Variants in WNK1 observed in about 807,000 individuals in gnomAD.
The protein encoded by WNK1 is serine/threonine-protein kinase WNK1.
In WNK1, 38 loss-of-function variants were observed where a neutral mutation model predicts 222.8. That is an observed-to-expected ratio of 0.17 (90% CI 0.13 to 0.22). WNK1 has a LOEUF of 0.22. Ranked by LOEUF, WNK1 falls within the 10% of genes least tolerant of loss-of-function variation. WNK1 has a pLI of 1.00. For missense variants in WNK1, 2,348 were observed against 2,918.4 expected (o/e 0.80, Z 4.50); for synonymous variants, 1,090 against 1,092.9 (o/e 1.00, Z 0.05).
intron 22 of WNK1, among the ~76,000 whole-genome samples, chr12:891,095 A>G (rs769285856): frequency 6.6e-6 from 1 of 152,208 alleles, no homozygotes; most frequent in Non-Finnish European, 1.5e-5. Flanking sequence ...TAAAAAGAGA[A>G]TGTAGAATAT....
chr12:868,776 C>G (rs555036202), intron 8 of WNK1: 1 of 1,614,044 alleles, frequency 6.2e-7, no homozygotes, highest in African/African-American at 1.3e-5. Flanking sequence ...TACTTGCAGC[C>G]TGTGACTGAA....
chr12:868,708 G>A, intron 8 of WNK1: 1 of 1,613,904 alleles, frequency 6.2e-7, no homozygotes, highest in Non-Finnish European at 8.5e-7. Context: ...GAAATCGGCA[G>A]GTTGCAGTGG....
At chr12:761,674 G>A (rs1941038728) in intron 1 of WNK1, among the ~76,000 whole-genome samples, 2 of 147,828 alleles carry the variant, frequency 1.4e-5, no homozygotes, top group South Asian at 4.4e-4. Context: ...ACTAGATAGA[G>A]ATTAACAGAT....
chr12:900,518 A>G lies in WNK1; in HGVS notation c.6491A>G (p.Gln2164Arg). ...GQSAASVLHPQQTLHPPGNIP... is the reference protein window; with the variant it reads ...GQSAASVLHPRQTLHPPGNIP... ...AGTGCAGCTTCAGTCTTGCACCCCC[A>G]GCAGACCCTCCACCCTCCTGGCAAC... is the stretch of plus-strand genomic sequence containing the variant. The change falls in exon 26 of 28, where the codon CAG (glutamine) becomes CGG (arginine). Residue 2164 changes from glutamine to arginine, a missense_variant. Physicochemically the swap from Gln to Arg is conservative, Grantham distance 43 (BLOSUM62 1). Around this residue, in one of 13 missense-constraint regions of WNK1, gnomAD observed 1,144 missense variants for 1,273.6 expected, o/e 0.90. Transcript: ENST00000315939. The G allele has an allele frequency of 6.2e-7, 1 of 1,614,148 alleles. No homozygotes were observed. Among genetic ancestry groups the G allele is most frequent in the South Asian group, 1.1e-5 (1 of 91,084 alleles).
At chr12:878,385 A>T in intron 10 of WNK1, 24 bp downstream of exon 10, 1 of 1,595,084 alleles carries the variant, frequency 6.3e-7, no homozygotes, top group East Asian at 2.2e-5. Flanking sequence ...TTTTTTTTAA[A>T]CAGGTAAACT....
At chr12:794,368 T>A (rs1255094775) in intron 1 of WNK1, among the ~76,000 whole-genome samples, 6 of 152,318 alleles carry the variant, frequency 3.9e-5, no homozygotes, top group South Asian at 4.1e-4. Context: ...TTACATTCTC[T>A]ACAGCAGCGA....
intron 25 of WNK1, among the ~76,000 whole-genome samples, chr12:899,869 G>A (rs1955085579): frequency 6.9e-6 from 1 of 145,570 alleles, no homozygotes; most frequent in Non-Finnish European, 1.5e-5. Flanking sequence ...AAAAAAAAAA[G>A]CAATCATGGA....
chr12:875,181 T>C (rs1416768376), intron 9 of WNK1, among the ~76,000 whole-genome samples: 1 of 152,178 alleles, frequency 6.6e-6, no homozygotes, highest in Non-Finnish European at 1.5e-5. Context: ...AATTTTGATA[T>C]GAGCATAATT....
At position 753,708 on chromosome 12, in the gene WNK1, C is replaced by G; in HGVS notation, c.143C>G (p.Thr48Ser). The G allele has an allele frequency of 6.2e-7, 1 of 1,612,076 alleles. No homozygotes were observed. Among genetic ancestry groups the G allele is most frequent in the African/African-American group, 1.3e-5 (1 of 75,020 alleles). The change falls in exon 1 of 28, where the codon ACC (threonine) becomes AGC (serine). Residue 48 changes from threonine to serine, a missense_variant. Physicochemically the swap from Thr to Ser is moderately conservative, Grantham distance 58. Coordinates refer to ENST00000315939, the MANE Select transcript of WNK1 (RefSeq NM_018979.4). The surrounding 1 kb of genome is among the most constrained non-coding windows in gnomAD (Gnocchi z 5.2). ...KLGAAAADAV[T>S]GRTEEYRRRR... ...GGAGCCGCGGCCGCCGACGCTGTGACCGGCAGGACCGAGGAGTACAGGCGC... is the reference window on the plus strand; with the variant it reads ...GGAGCCGCGGCCGCCGACGCTGTGAGCGGCAGGACCGAGGAGTACAGGCGC...
At chr12:812,899 T>C (rs34237534) in intron 1 of WNK1, among the ~76,000 whole-genome samples, 4,864 of 152,156 alleles carry the variant, frequency 0.032, 152 homozygotes, top group Non-Finnish European at 0.038. Flanking sequence ...CTGAGAATTT[T>C]CCTGACTTGA....
chr12:828,633 C>A (rs7316308), intron 3 of WNK1, among the ~76,000 whole-genome samples: 18,906 of 152,042 alleles, frequency 0.12, 1,473 homozygotes, highest in Middle Eastern at 0.2. Flanking sequence ...ATATATGGCC[C>A]CTAGAAGACA....
rs1251565394 is a variant in WNK1 at position 908,673 on chromosome 12, G to A, written c.7030G>A (p.Ala2344Thr). 6.2e-7 allele frequency: 1 copy of A among 1,614,216 alleles called. No individual in the cohort carries two copies. The highest frequency in any genetic ancestry group is 1.7e-5 in the Admixed American group (1 of 60,028). ...GAQWSGTGGPAPQPLGQFQPV... is the reference protein window; with the variant it reads ...GAQWSGTGGPTPQPLGQFQPV... ...TCAATGGAGTGGGACGGGTGGCCCA[G>A]CACCACAGCCACTTGGCCAGTTCCA... Residue 2344 changes from alanine to threonine, a missense_variant, in exon 28 of 28, where the codon GCA becomes ACA. Around this residue, in one of 13 missense-constraint regions of WNK1, gnomAD observed 76 missense variants for 85.7 expected, o/e 0.89. Coordinates refer to ENST00000315939, the MANE Select transcript of WNK1 (RefSeq NM_018979.4).
Position 823,946 on chromosome 12 carries a change from G to C in WNK1, c.933-3096G>C, listed in dbSNP as rs529481798. ...TGGAGATGGAGTCTCGCTCTGTGTT[G>C]CCCAGGGCGGAGTGCAGTGGCGTGA... On this transcript the variant is annotated intron_variant, in intron 2 of 27. Transcript: ENST00000315939. Among the ~76,000 whole-genome samples, 272 of 125,666 alleles carry C rather than the reference G, an allele frequency of 2.2e-3. 4 individuals carry two copies. Among genetic ancestry groups the C allele is most frequent in the Admixed American group, 7.8e-3 (80 of 10,238 alleles). The allele number at this position is 125,666 out of a possible 152,430, so 82.4% of individuals were successfully genotyped here.
intron 4 of WNK1, among the ~76,000 whole-genome samples, chr12:841,843 C>T (rs1029039922): frequency 6.6e-6 from 1 of 152,166 alleles, no homozygotes; most frequent in Non-Finnish European, 1.5e-5. Flanking sequence ...ATCCATTTCA[C>T]GGTTCTGCCC....
chr12:799,232 TC>T (rs1945640916), intron 1 of WNK1, among the ~76,000 whole-genome samples: 1 of 151,880 alleles, frequency 6.6e-6, no homozygotes, highest in South Asian at 2.1e-4. Flanking sequence ...CAAGCAATCC[TC>T]CCACCTCACC....
At chr12:850,412 GTTGT>G (rs1950333974) in intron 4 of WNK1, among the ~76,000 whole-genome samples, 2 of 152,166 alleles carry the variant, frequency 1.3e-5, no homozygotes, top group African/African-American at 4.8e-5. Flanking sequence ...TTTTGATGGG[GTTGT>G]TTGATTTTTT....
chr12:760,394 AT>A (rs1176744361), intron 1 of WNK1, among the ~76,000 whole-genome samples: 2 of 147,724 alleles, frequency 1.4e-5, no homozygotes, highest in Non-Finnish European at 3.0e-5. Context: ...AGATTACCCA[AT>A]TTTCTGAGCT....
intron 1 of WNK1, among the ~76,000 whole-genome samples, chr12:808,572 T>G (rs959627786): frequency 1.3e-5 from 2 of 152,076 alleles, no homozygotes; most frequent in Non-Finnish European, 2.9e-5. Flanking sequence ...AAGCTTCCTG[T>G]ATATGCCAAG....
chr12:874,333 T>A (rs938394998), intron 9 of WNK1, among the ~76,000 whole-genome samples: 1 of 152,040 alleles, frequency 6.6e-6, no homozygotes, highest in Non-Finnish European at 1.5e-5. Context: ...CAGATCATCA[T>A]GTACTTCTGG....
Sources: allele counts gnomAD v4.1 joint callset (sites outside exome capture counted in the v4.1 genomes callset), GRCh38; gene constraint gnomAD v4.1.1; regional missense constraint gnomAD v4.1.1; non-coding constraint Gnocchi (gnomAD v3.1); transcripts MANE v1.5; gene names NCBI Gene and HGNC (gene_info 2026-07-23, HGNC 2026-07-21).